The following TNIP3 variants were observed in gnomAD, a reference collection of about 807,000 sequenced individuals.
TNIP3 encodes the protein TNFAIP3 interacting protein 3.
In TNIP3, 34 loss-of-function variants were observed where a neutral mutation model predicts 54.1. The ratio of observed to expected loss-of-function variants is 0.63; its 90% CI spans 0.48 to 0.84. TNIP3 has a LOEUF of 0.84. TNIP3 is among the 40% of genes least tolerant of loss of function. The probability of loss-of-function intolerance (pLI) is 0.00; values close to 1 mark genes in which losing one functional copy is unlikely to be tolerated. For synonymous variants in TNIP3, 134 were observed against 136.8 expected, an observed-to-expected ratio of 0.98 and a Z score of 0.14; for missense variants, 366 against 387.6, an observed-to-expected ratio of 0.94 and a Z score of 0.47.
At chr4:121,144,676 A>C (rs1729327789) in intron 7 of TNIP3, among the ~76,000 whole-genome samples, 1 of 152,248 alleles carries the variant, frequency 6.6e-6, no homozygotes, top group Non-Finnish European at 1.5e-5. Flanking sequence ...TGCTGGGATT[A>C]CAGGCATGAG....
chr4:121,203,547 C>T (rs1386494400), intron 2 of TNIP3, among the ~76,000 whole-genome samples: 1 of 152,090 alleles, frequency 6.6e-6, no homozygotes, highest in Non-Finnish European at 1.5e-5. Flanking sequence ...GCACCAAAAT[C>T]TCAGAATTCA....
intron 3 of TNIP3, chr4:121,182,570 A>C (rs1724774532): frequency 7.6e-7 from 1 of 1,314,086 alleles, no homozygotes; most frequent in Admixed American, 2.3e-5. Context: ...ACAAGGAAGT[A>C]CATGACTGAC....
intron 2 of TNIP3, among the ~76,000 whole-genome samples, chr4:121,212,933 C>CT (rs1206329572): frequency 2.0e-5 from 3 of 152,138 alleles, no homozygotes; most frequent in Admixed American, 6.6e-5. Flanking sequence ...ACTAAAACAT[C>CT]TGCCTGTCAC....
At chr4:121,196,469 G>A (rs1725590993) in intron 2 of TNIP3, among the ~76,000 whole-genome samples, 1 of 152,080 alleles carries the variant, frequency 6.6e-6, no homozygotes, top group South Asian at 2.1e-4. Flanking sequence ...ATTGGTATAG[G>A]AAGCAATTTT....
chr4:121,189,403 G>A (rs112416274), intron 2 of TNIP3, among the ~76,000 whole-genome samples: 76 of 152,348 alleles, frequency 5.0e-4, no homozygotes, highest in African/African-American at 1.6e-3. Context: ...TCAAACATCA[G>A]GAATCTGGGT....
intron 2 of TNIP3, among the ~76,000 whole-genome samples, chr4:121,197,603 T>C (rs6811411): frequency 0.24 from 35,884 of 150,722 alleles, 4,483 homozygotes; most frequent in Middle Eastern, 0.29. Context: ...ATTTTTTAGA[T>C]AAAAATGAAG....
chr4:121,168,782 A>G (rs1253468072), upstream of TNIP3, among the ~76,000 whole-genome samples: 1 of 151,784 alleles, frequency 6.6e-6, no homozygotes, highest in Non-Finnish European at 1.5e-5. Flanking sequence ...AGCTTCTCAA[A>G]AAAAATGCCT....
exon 1 of TNIP3, chr4:121,227,445 GAGA>G: frequency 6.9e-7 from 1 of 1,444,180 alleles, no homozygotes; most frequent in Non-Finnish European, 9.4e-7. Context: ...GTCTAATACG[GAGA>G]CCTGTCTTTA....
At chr4:121,212,226 C>A (rs148834674) in intron 2 of TNIP3, among the ~76,000 whole-genome samples, 1,643 of 152,260 alleles carry the variant, frequency 0.011, 8 homozygotes, top group Non-Finnish European at 0.016. Flanking sequence ...ATATGGAAAT[C>A]TGTGTTTATC....
intron 5 of TNIP3, 140 bp from the exon 6 acceptor site, chr4:121,150,359 C>T (rs1162336260): frequency 2.1e-6 from 1 of 471,104 alleles, no homozygotes; most frequent in Non-Finnish European, 3.8e-6. Flanking sequence ...AAGTAACTTT[C>T]TTCTTTCTGA....
chr4:121,143,763 A>G (rs187323592), intron 7 of TNIP3, among the ~76,000 whole-genome samples: 10 of 152,346 alleles, frequency 6.6e-5, no homozygotes, highest in Admixed American at 3.9e-4. Context: ...AACTTATTTA[A>G]TATGTATTGT....
chr4:121,203,799 G>A (rs1340302199), intron 2 of TNIP3, among the ~76,000 whole-genome samples: 1 of 151,292 alleles, frequency 6.6e-6, no homozygotes, highest in East Asian at 1.9e-4. Context: ...ATATTCTTAT[G>A]CTTCCTTCAG....
intron 2 of TNIP3, among the ~76,000 whole-genome samples, chr4:121,185,624 A>AAAT (rs1430857356): frequency 1.3e-5 from 2 of 152,212 alleles, no homozygotes; most frequent in Admixed American, 6.5e-5. Context: ...ATTTAACTCA[A>AAAT]AATACCTAAT....
intron 10 of TNIP3, among the ~76,000 whole-genome samples, chr4:121,134,000 G>GA (rs573840612): frequency 9.4e-4 from 142 of 151,128 alleles, no homozygotes; most frequent in African/African-American, 3.1e-3. Context: ...CCAGAGCTAT[G>GA]AAAAAAAAAG....
At chr4:121,150,466 T>C (rs74770152) in intron 5 of TNIP3, among the ~76,000 whole-genome samples, 3,329 of 152,280 alleles carry the variant, frequency 0.022, 81 homozygotes, top group Admixed American at 0.035. Context: ...GGCTTTGATA[T>C]TGGACCCTCC....
chr4:121,225,774 C>T (rs1404526327), intron 1 of TNIP3, among the ~76,000 whole-genome samples: 1 of 152,120 alleles, frequency 6.6e-6, no homozygotes, highest in East Asian at 1.9e-4. Context: ...CCTTCTCTAC[C>T]TTGGCCCCCG....
At chr4:121,157,837 C>G (rs1297552333) in intron 3 of TNIP3, among the ~76,000 whole-genome samples, 1 of 152,142 alleles carries the variant, frequency 6.6e-6, no homozygotes, top group Non-Finnish European at 1.5e-5. Context: ...GCAAGCCGTT[C>G]GAGAAAGCAG....
Position 121,132,493 on chromosome 4 carries a change from AG to A in TNIP3, c.*137del. On this transcript the variant is annotated 3_prime_UTR_variant, in exon 11 of 11. Coordinates refer to ENST00000057513, the MANE Select transcript of TNIP3 (RefSeq NM_024873.6). Reference sequence around the variant, plus strand: ...AAGCCTTTTCCTGTATTCATACCAAAGGAAAACATGACCAGGCACAAATAAC... The same window carrying A: ...AAGCCTTTTCCTGTATTCATACCAAAGAAAACATGACCAGGCACAAATAAC... The A allele has an allele frequency of 1.3e-6, 1 of 766,372 alleles. No homozygotes were observed. The highest frequency in any genetic ancestry group is 2.1e-6 in the Non-Finnish European group (1 of 468,572). The allele number at this position is 766,372 out of a possible 1,614,324, so 47.5% of individuals were successfully genotyped here.
intron 2 of TNIP3, among the ~76,000 whole-genome samples, chr4:121,211,884 A>G (rs1726494564): frequency 2.0e-5 from 3 of 152,320 alleles, no homozygotes; most frequent in South Asian, 2.1e-4. Flanking sequence ...GGGGCCTCCT[A>G]CAGACCTCCA....
Sources: gnomAD v4.1 joint callset for allele counts (sites outside exome capture counted in the v4.1 genomes callset) on GRCh38, gnomAD v4.1.1 for gene constraint, MANE v1.5 for transcripts, NCBI Gene and HGNC (gene_info 2026-07-23, HGNC 2026-07-21) for gene names.